TASOR2: variants seen among roughly 807,000 people sequenced by gnomAD.
TASOR2 encodes the protein transcription activation suppressor family member 2.
TASOR2 carries 84 observed loss-of-function variants against 199.5 expected under a neutral mutation model. That is an observed-to-expected ratio of 0.42 (90% confidence interval 0.35 to 0.50). The LOEUF is 0.50. Ranked by LOEUF, TASOR2 falls within the 20% of genes least tolerant of loss-of-function variation. The pLI is 0.02. For missense variants in TASOR2, 2,796 were observed against 2,835.9 expected (o/e 0.99, Z 0.32); for synonymous variants, 1,103 against 1,046.6 (o/e 1.05, Z -1.04).
exon 16 of TASOR2, chr10:5,756,734 A>T: frequency 6.2e-7 from 1 of 1,612,258 alleles, no homozygotes. Flanking sequence ...TCACATTTGC[A>T]TCAGGTCGGT....
rs1277525431 is a variant in TASOR2, at chr10:5,722,970, T to A, written c.147-707T>A. Reference sequence around the variant, plus strand: ...TTGCAGTGAGCTGAGATCGCACCACTGCACTCCAGCCTGGGTGACAGAGCC... The same window carrying A: ...TTGCAGTGAGCTGAGATCGCACCACAGCACTCCAGCCTGGGTGACAGAGCC... On this transcript the variant is annotated intron_variant, in intron 6 of 20. Coordinates refer to ENST00000328090, the Ensembl canonical transcript of TASOR2. The surrounding 1 kb of genome is among the most constrained non-coding windows in gnomAD (Gnocchi z 4.0). Among the ~76,000 whole-genome samples the A allele has an allele frequency of 2.1e-5, 3 of 145,966 alleles. No individual in the cohort carries two copies. Among genetic ancestry groups the A allele is most frequent in the African/African-American group, 7.5e-5 (3 of 39,854 alleles).
intron 6 of TASOR2, among the ~76,000 whole-genome samples, chr10:5,723,330 A>G (rs1449346367): frequency 1.3e-5 from 2 of 152,056 alleles, no homozygotes; most frequent in African/African-American, 4.8e-5. Context: ...TGCTGGGATT[A>G]CAGGCGTGAG....
At chr10:5,763,281 C>T (rs1020517891) in exon 21 of TASOR2, 1 of 415,046 alleles carries the variant, frequency 2.4e-6, no homozygotes, top group East Asian at 3.9e-5. Context: ...AAACAAGATG[C>T]CTTCTAAGCT....
rs1199921772 is a variant in TASOR2, at chr10:5,698,245, G to GA, written c.-288+13075dup. Among the ~76,000 whole-genome samples, 1 of 152,164 alleles carries GA rather than the reference G, an allele frequency of 6.6e-6. No individual in the cohort carries two copies. Among genetic ancestry groups the GA allele is most frequent in the Non-Finnish European group, 1.5e-5 (1 of 68,040 alleles). ...CTTTCTATCTGTGCCATTTCCATGA[G>GA]AAAAACATGTCTCTGCTAGCTCATT... On this transcript the variant is annotated intron_variant, in intron 1 of 20. Coordinates refer to ENST00000328090, the Ensembl canonical transcript of TASOR2. This position sits in a 1 kb window ranked among gnomAD's most constrained non-coding sequence, Gnocchi z 4.4.
chr10:5,756,893 A>G (rs963903772), intron 16 of TASOR2, among the ~76,000 whole-genome samples, 155 bp downstream of exon 17: 4 of 152,178 alleles, frequency 2.6e-5, no homozygotes, highest in African/African-American at 9.7e-5. Context: ...AGAATACTGC[A>G]ATATTACCAA....
chr10:5,748,533 T>G lies in TASOR2; in HGVS notation c.5112T>G (p.His1704Gln). ...ATGGTGAGCCTGAAGCTGAGTTACA[T>G]AAAGAAACCACAGGTCCAGGCACTG... is the stretch of plus-strand genomic sequence containing the variant. Residue 1704 changes from histidine (H) to glutamine (Q), a missense_variant, in exon 15 of 21, where the codon CAT becomes CAG. Around this residue, in one of 3 missense-constraint regions of TASOR2, gnomAD observed 1,941 missense variants for 1,924.9 expected, o/e 1.01. Coordinates refer to ENST00000328090, the Ensembl canonical transcript of TASOR2. The surrounding 1 kb of genome is among the most constrained non-coding windows in gnomAD (Gnocchi z 5.1). 6.2e-7 allele frequency: 1 copy of G among 1,613,564 alleles called. No individual in the cohort carries two copies. The highest frequency in any genetic ancestry group is 1.6e-4 in the Middle Eastern group (1 of 6,062).
exon 1 of TASOR2, chr10:5,684,910 C>G (rs1835636653): frequency 2.6e-6 from 1 of 389,242 alleles, no homozygotes; most frequent in African/African-American, 2.1e-5. Flanking sequence ...CCCGGGGTTG[C>G]CTCTTGCCCG....
rs1390398489 is a variant in TASOR2 at position 5,687,008 on chromosome 10, A to G, written c.-288+1833A>G. ...GGGATATTGTTTGTGATGGTGTTGA[A>G]TATATAATCTGAGAAGAGACATTTA... On this transcript the variant is annotated intron_variant, in intron 1 of 20. Transcript: ENST00000328090. This position sits in a 1 kb window ranked among gnomAD's most constrained non-coding sequence, Gnocchi z 4.8. Among the ~76,000 whole-genome samples the G allele has an allele frequency of 1.3e-5, 2 of 152,200 alleles. No individual in the cohort carries two copies. Among genetic ancestry groups the G allele is most frequent in the Non-Finnish European group, 2.9e-5 (2 of 68,030 alleles).
At chr10:5,732,697 A>G (rs1230916138) in intron 11 of TASOR2, among the ~76,000 whole-genome samples, 1 of 151,608 alleles carries the variant, frequency 6.6e-6, no homozygotes, top group East Asian at 1.9e-4. Flanking sequence ...AGCTGGAACT[A>G]CAGGGGTGCC....
At chr10:5,747,802 C>T in exon 15 of TASOR2, 1 of 1,613,878 alleles carries the variant, frequency 6.2e-7, no homozygotes, top group Non-Finnish European at 8.5e-7. Context: ...TCCTACCCAT[C>T]CAGTGGGGCA....
exon 15 of TASOR2, chr10:5,746,865 A>G (rs1837299345): frequency 1.2e-6 from 2 of 1,614,118 alleles, no homozygotes; most frequent in African/African-American, 1.3e-5. Flanking sequence ...CGCCCCTTCC[A>G]GTCTCTCTAC....
Position 5,730,582 on chromosome 10 carries a change from C to A in TASOR2, c.583C>A (p.Leu195Ile). 3 of 1,614,196 alleles carry A rather than the reference C, an allele frequency of 1.9e-6. No homozygotes were observed. The highest frequency in any genetic ancestry group is 2.5e-6 in the Non-Finnish European group (3 of 1,180,034). The stretch of plus-strand genomic sequence containing the variant: ...TGCCCTGCTAGAAACAAAGAAATCA[C>A]TTCCTGAAGAAAGAATCCATCCAAA... Residue 195 changes from leucine (L) to isoleucine (I), a missense_variant, in exon 11 of 21, where the codon CTT becomes ATT. By Grantham distance (5) the Leu-to-Ile change is conservative (BLOSUM62 2). Transcript: ENST00000328090. The surrounding 1 kb of genome is among the most constrained non-coding windows in gnomAD (Gnocchi z 4.1).
chr10:5,726,354 A>G (rs1471069060), intron 8 of TASOR2, among the ~76,000 whole-genome samples: 6 of 152,158 alleles, frequency 3.9e-5, no homozygotes. Flanking sequence ...ATTTATTTTC[A>G]TCTGTATTTC....
chr10:5,724,565 A>G (rs1421427896), intron 8 of TASOR2, 32 bp downstream of exon 9: 1 of 933,036 alleles, frequency 1.1e-6, no homozygotes, highest in Non-Finnish European at 1.4e-6. Context: ...TATAATTATT[A>G]TGTTTTTCTT....
chr10:5,718,685 G>A (rs1832967746), intron 3 of TASOR2, among the ~76,000 whole-genome samples: 1 of 151,522 alleles, frequency 6.6e-6, no homozygotes, highest in Admixed American at 6.6e-5. Context: ...CTTGAACCTG[G>A]AAGGCGGAGG....
intron 1 of TASOR2, among the ~76,000 whole-genome samples, chr10:5,696,391 CTG>C (rs1837158099): frequency 6.6e-6 from 1 of 152,236 alleles, no homozygotes; most frequent in Non-Finnish European, 1.5e-5. Flanking sequence ...GGGCCTCACT[CTG>C]TCACCCAGAT....
exon 15 of TASOR2, chr10:5,746,280 A>G: frequency 6.2e-7 from 1 of 1,614,164 alleles, no homozygotes; most frequent in Non-Finnish European, 8.5e-7. Context: ...TTCCTAGTGA[A>G]GAAGAAATTG....
intron 18 of TASOR2, among the ~76,000 whole-genome samples, chr10:5,759,935 TAAGTA>T (rs2131662761): frequency 6.6e-6 from 1 of 152,306 alleles, no homozygotes; most frequent in South Asian, 2.1e-4. Context: ...TCAACTTCGG[TAAGTA>T]GAGAAGCACA....
chr10:5,757,664 G>GT lies in TASOR2; in HGVS notation c.6878dup (p.Thr2294AsnfsTer31). On this transcript the variant is annotated frameshift_variant, in exon 17 of 21. Coordinates refer to ENST00000328090, the Ensembl canonical transcript of TASOR2. LOFTEE classifies it high-confidence loss of function. Reference sequence around the variant, plus strand: ...ATCAGATGACAAGATACTAGAAGCTGTAACATTAGGTTGGTCTTTATTTTC... The same window carrying GT: ...ATCAGATGACAAGATACTAGAAGCTGTTAACATTAGGTTGGTCTTTATTTTC... The GT allele has an allele frequency of 6.2e-7, 1 of 1,612,396 alleles. No homozygotes were observed. Among genetic ancestry groups the GT allele is most frequent in the South Asian group, 1.1e-5 (1 of 90,536 alleles).
Sources: gnomAD v4.1 joint callset for allele counts (sites outside exome capture counted in the v4.1 genomes callset) on GRCh38, gnomAD v4.1.1 for gene constraint, gnomAD v4.1.1 regional missense constraint, Gnocchi (gnomAD v3.1) non-coding constraint, MANE v1.5 for transcripts, NCBI Gene and HGNC (gene_info 2026-07-23, HGNC 2026-07-21) for gene names.